ITFG1: variants seen among roughly 807,000 people sequenced by gnomAD.
ITFG1 encodes the protein integrin alpha FG-GAP repeat containing 1.
A neutral mutation model predicts 81.8 loss-of-function variants in ITFG1; 34 were observed. The observed-to-expected ratio is 0.42, with a 90% CI of 0.32 to 0.55. The LOEUF (loss-of-function observed/expected upper bound fraction) is 0.55, where lower values mean the gene tolerates loss of function less well. ITFG1 is among the 20% of genes least tolerant of loss of function. The probability of loss-of-function intolerance (pLI) is 0.17; values close to 1 mark genes in which losing one functional copy is unlikely to be tolerated. For missense variants in ITFG1, 672 were observed against 755.4 expected (o/e 0.89, Z 1.29); for synonymous variants, 285 against 270.6 (o/e 1.05, Z -0.52).
chr16:47,256,110 C>T (rs1297775800), intron 12 of ITFG1, among the ~76,000 whole-genome samples: 1 of 152,020 alleles, frequency 6.6e-6, no homozygotes, highest in Non-Finnish European at 1.5e-5. Flanking sequence ...ACTACAGTCA[C>T]GCGTCACCAC....
In ITFG1 at chr16:47,323,429, G is replaced by T. The variant is rs920530456; in HGVS notation, c.803-9606C>A. The stretch of plus-strand genomic sequence containing the variant: ...AATTTGATTCTCTGTGCTGCCTTGG[G>T]ATTCTGCAGAGTCCCCACCAGGAGG... On this transcript the variant is annotated intron_variant, in intron 8 of 17. Transcript: ENST00000320640. 1.1e-4 allele frequency among the ~76,000 whole-genome samples: 16 copies of T among 152,112 alleles called. 1 individual carries two copies. Among genetic ancestry groups the T allele is most frequent in the South Asian group, 6.2e-4 (3 of 4,820 alleles).
intron 8 of ITFG1, among the ~76,000 whole-genome samples, chr16:47,359,161 A>T (rs1352096959): frequency 6.6e-6 from 1 of 152,150 alleles, no homozygotes; most frequent in Non-Finnish European, 1.5e-5. Context: ...ATAATGTTAG[A>T]AACAAAGGCA....
intron 6 of ITFG1, chr16:47,426,100 T>C (rs537772763): frequency 1.3e-5 from 2 of 152,284 alleles, no homozygotes; most frequent in African/African-American, 4.8e-5. Context: ...TGGTAGATAC[T>C]GTCTTTATGC....
intron 8 of ITFG1, among the ~76,000 whole-genome samples, chr16:47,347,783 G>C (rs773319481): frequency 6.6e-6 from 1 of 152,202 alleles, no homozygotes; most frequent in African/African-American, 2.4e-5. Context: ...GCCTATCTGG[G>C]AGGCACCCCC....
intron 10 of ITFG1, among the ~76,000 whole-genome samples, chr16:47,273,403 G>A (rs1303143532): frequency 6.6e-6 from 1 of 152,134 alleles, no homozygotes; most frequent in African/African-American, 2.4e-5. Flanking sequence ...ATCGGTAAGT[G>A]CAGAATGCTT....
At chr16:47,269,586 C>A (rs1966315014) in intron 10 of ITFG1, among the ~76,000 whole-genome samples, 1 of 146,500 alleles carries the variant, frequency 6.8e-6, no homozygotes. Context: ...ATGCATAAGA[C>A]CTGTACATTG....
intron 5 of ITFG1, among the ~76,000 whole-genome samples, chr16:47,435,862 A>G (rs1300424519): frequency 1.3e-5 from 2 of 152,232 alleles, no homozygotes; most frequent in Non-Finnish European, 2.9e-5. Flanking sequence ...CGTTTTCATC[A>G]GCACAAATAG....
At chr16:47,421,045 C>T (rs1041061277) in intron 6 of ITFG1, among the ~76,000 whole-genome samples, 2 of 151,922 alleles carry the variant, frequency 1.3e-5, no homozygotes, top group African/African-American at 4.8e-5. Flanking sequence ...TACCTTTCAT[C>T]GAATATAAGT....
rs544849041 is a variant in ITFG1, at chr16:47,170,435, T to C, written c.1454-7771A>G. Among the ~76,000 whole-genome samples the C allele has an allele frequency of 3.3e-5, 5 of 151,470 alleles. No homozygotes were observed. In the South Asian group the frequency reaches 1.0e-3, roughly 32 times the overall value. On this transcript the variant is annotated intron_variant, in intron 14 of 17. Transcript: ENST00000320640. Reference sequence around the variant, plus strand: ...TTGTGTGTGTTTCTAGGGAACACTTTTTTTTTTTTTTGAGACAAGAGTCTT... The same window carrying C: ...TTGTGTGTGTTTCTAGGGAACACTTCTTTTTTTTTTTGAGACAAGAGTCTT...
chr16:47,335,617 T>C (rs1967694361), intron 8 of ITFG1, among the ~76,000 whole-genome samples: 1 of 151,990 alleles, frequency 6.6e-6, no homozygotes, highest in African/African-American at 2.4e-5. Context: ...CAAATAAACT[T>C]ATAAAAAAGA....
chr16:47,420,535 G>A (rs1375428771), intron 6 of ITFG1, among the ~76,000 whole-genome samples: 2 of 152,210 alleles, frequency 1.3e-5, no homozygotes, highest in Non-Finnish European at 2.9e-5. Context: ...AAGAGGAAGC[G>A]TGAGGATCAT....
intron 8 of ITFG1, among the ~76,000 whole-genome samples, chr16:47,347,112 C>A (rs556906906): frequency 2.0e-5 from 3 of 152,224 alleles, no homozygotes; most frequent in Non-Finnish European, 4.4e-5. Context: ...CAGCTCCCAG[C>A]GTGAGCAACA....
At chr16:47,396,637 AAG>A (rs1323125404) in intron 6 of ITFG1, among the ~76,000 whole-genome samples, 2 of 149,816 alleles carry the variant, frequency 1.3e-5, no homozygotes, top group African/African-American at 5.1e-5. Context: ...GCATATTTGC[AAG>A]AGAGGGTTAG....
intron 14 of ITFG1, among the ~76,000 whole-genome samples, chr16:47,166,455 T>C (rs1027325970): frequency 6.6e-6 from 1 of 152,218 alleles, no homozygotes; most frequent in Non-Finnish European, 1.5e-5. Flanking sequence ...CATTTTAGCA[T>C]AGTTTAGTAT....
At chr16:47,441,698 C>T (rs1969253369) in intron 5 of ITFG1, among the ~76,000 whole-genome samples, 1 of 152,066 alleles carries the variant, frequency 6.6e-6, no homozygotes, top group South Asian at 2.1e-4. Context: ...TAAGAGCTAT[C>T]TATGACAAAC....
chr16:47,315,790 T>TGTATAC (rs1967347184), intron 8 of ITFG1, among the ~76,000 whole-genome samples: 1 of 150,932 alleles, frequency 6.6e-6, no homozygotes. Flanking sequence ...CACATATATA[T>TGTATAC]AATTTATTAT....
At chr16:47,427,791 G>A (rs2151609222) in intron 6 of ITFG1, among the ~76,000 whole-genome samples, 1 of 152,270 alleles carries the variant, frequency 6.6e-6, no homozygotes, top group East Asian at 1.9e-4. Flanking sequence ...AAACATGTCG[G>A]AGAAAATCTG....
At chr16:47,317,460 C>G (rs1967378148) in intron 8 of ITFG1, 1 of 152,156 alleles carries the variant, frequency 6.6e-6, no homozygotes, top group East Asian at 1.9e-4. Flanking sequence ...AGTTAACTGA[C>G]CTGTGGAATT....
Position 47,375,916 on chromosome 16 carries a change from G to A in ITFG1, c.680C>T (p.Ala227Val). 6.2e-7 allele frequency: 1 copy of A among 1,605,386 alleles called. No individual in the cohort carries two copies. Among genetic ancestry groups the A allele is most frequent in the South Asian group, 1.1e-5 (1 of 90,442 alleles). Residue 227 changes from alanine (A) to valine (V), a missense_variant, in exon 7 of 18, where the codon GCC becomes GTC. By Grantham distance (64) the Ala-to-Val change is moderately conservative (BLOSUM62 0). Around this residue, in one of 3 missense-constraint regions of ITFG1, gnomAD observed 560 missense variants for 625.7 expected, o/e 0.90. Transcript: ENST00000320640. The part of the protein sequence containing the change: ...TADLFLTTLN[A>V]TTSTFQFEIW... ...TTCAAACTGGAAGGTACTAGTGGTG[G>A]CATTCAATGTCGTCAGGAATAAATC...
Sources: gnomAD v4.1 joint callset for allele counts (sites outside exome capture counted in the v4.1 genomes callset) on GRCh38, gnomAD v4.1.1 for gene constraint, gnomAD v4.1.1 regional missense constraint, MANE v1.5 for transcripts, NCBI Gene and HGNC (gene_info 2026-07-23, HGNC 2026-07-21) for gene names.